SND1: variants seen among roughly 807,000 people sequenced by gnomAD.
SND1 encodes the protein staphylococcal nuclease domain-containing protein 1.
SND1 carries 38 observed loss-of-function variants against 121.7 expected under a neutral mutation model. The ratio of observed to expected loss-of-function variants is 0.31; its 90% CI spans 0.24 to 0.41. SND1 has a LOEUF of 0.41. SND1 is among the 10% of genes least tolerant of loss of function. The pLI, the probability that SND1 is intolerant of heterozygous loss-of-function variation, is 1.00. For synonymous variants in SND1, 401 were observed against 447.4 expected (o/e 0.90, Z 1.31); for missense variants, 868 against 1,184.6 (o/e 0.73, Z 3.92).
At chr7:127,978,006 C>G (rs1469134751) in intron 15 of SND1, among the ~76,000 whole-genome samples, 8 of 152,152 alleles carry the variant, frequency 5.3e-5, no homozygotes, top group African/African-American at 1.9e-4. Flanking sequence ...CTTGGCAGGA[C>G]ATCCAAGGGG....
chr7:128,086,169 A>AC (rs1793684737), intron 20 of SND1, among the ~76,000 whole-genome samples: 1 of 152,126 alleles, frequency 6.6e-6, no homozygotes, highest in African/African-American at 2.4e-5. Context: ...ACATCCCCAA[A>AC]CTCAGGTTTG....
At chr7:127,954,485 A>G (rs1801548295) in intron 15 of SND1, among the ~76,000 whole-genome samples, 1 of 151,978 alleles carries the variant, frequency 6.6e-6, no homozygotes, top group Non-Finnish European at 1.5e-5. Context: ...TGGGGAGATC[A>G]TCTCATCTTT....
intron 15 of SND1, among the ~76,000 whole-genome samples, chr7:127,989,160 C>A (rs2116913858): frequency 6.6e-6 from 1 of 152,336 alleles, no homozygotes; most frequent in East Asian, 1.9e-4. Context: ...CCCTTGCAGG[C>A]CGGCACTGAA....
intron 16 of SND1, among the ~76,000 whole-genome samples, chr7:128,063,153 A>G (rs1197294423): frequency 1.3e-5 from 2 of 152,038 alleles, no homozygotes; most frequent in Non-Finnish European, 2.9e-5. Context: ...AGGCTCTCTC[A>G]TGTCCACTTT....
intron 10 of SND1, among the ~76,000 whole-genome samples, chr7:127,733,759 A>T (rs1244810942): frequency 6.6e-6 from 1 of 152,072 alleles, no homozygotes; most frequent in East Asian, 1.9e-4. Context: ...GCAGAGTCGC[A>T]TTGTGTATTT....
intron 12 of SND1, chr7:127,857,743 A>G: frequency 1.6e-6 from 1 of 619,044 alleles, no homozygotes; most frequent in Non-Finnish European, 2.9e-6. Context: ...GGAAAGGGAA[A>G]TTGACTGAAA....
chr7:127,812,250 T>G (rs1386901902), intron 11 of SND1, among the ~76,000 whole-genome samples: 1 of 152,222 alleles, frequency 6.6e-6, no homozygotes, highest in Non-Finnish European at 1.5e-5. Flanking sequence ...ATCCTTTACA[T>G]GCTGCAAGAA....
At chr7:127,927,123 A>G (rs1800859171) in intron 14 of SND1, among the ~76,000 whole-genome samples, 1 of 152,120 alleles carries the variant, frequency 6.6e-6, no homozygotes, top group Non-Finnish European at 1.5e-5. Flanking sequence ...TAAAGTAGGT[A>G]AGAGTTTAGC....
intron 1 of SND1, among the ~76,000 whole-genome samples, chr7:127,656,495 G>A (rs915578046): frequency 6.6e-6 from 1 of 151,842 alleles, no homozygotes; most frequent in Non-Finnish European, 1.5e-5. Context: ...GCTAACTTTT[G>A]TGCTTTTAGT....
intron 15 of SND1, among the ~76,000 whole-genome samples, chr7:127,940,412 A>T (rs984129512): frequency 1.3e-5 from 2 of 152,182 alleles, no homozygotes; most frequent in Non-Finnish European, 2.9e-5. Flanking sequence ...CCTGTGGGGG[A>T]GTCCATTTGG....
chr7:127,689,943 C>T (rs1023149918), intron 2 of SND1, among the ~76,000 whole-genome samples: 6 of 111,562 alleles, frequency 5.4e-5, no homozygotes, highest in African/African-American at 1.0e-4. Context: ...CCCCCCACCC[C>T]AACGCTGACA....
At chr7:128,023,894 A>T (rs547574328) in intron 16 of SND1, among the ~76,000 whole-genome samples, 17 of 152,236 alleles carry the variant, frequency 1.1e-4, no homozygotes, top group African/African-American at 3.6e-4. Flanking sequence ...TAAAATTTCA[A>T]TTCTCACAAT....
At chr7:127,778,006 A>C (rs1230682359) in intron 10 of SND1, among the ~76,000 whole-genome samples, 1 of 152,154 alleles carries the variant, frequency 6.6e-6, no homozygotes, top group Non-Finnish European at 1.5e-5. Flanking sequence ...CTTTGCTAAA[A>C]TGAGGTGCCC....
chr7:127,941,268 T>C (rs189097440), intron 15 of SND1, among the ~76,000 whole-genome samples: 1 of 150,340 alleles, frequency 6.7e-6, no homozygotes, highest in African/African-American at 2.5e-5. Flanking sequence ...GAGATCTACA[T>C]CTCATTTGGC....
chr7:127,860,546 CTG>C (rs1204092038), intron 12 of SND1, among the ~76,000 whole-genome samples: 2 of 152,192 alleles, frequency 1.3e-5, no homozygotes, highest in African/African-American at 4.8e-5. Context: ...AATTGCTTGT[CTG>C]AGAGAGCAGT....
chr7:128,067,955 G>C (rs1327867055), intron 16 of SND1, among the ~76,000 whole-genome samples: 1 of 151,944 alleles, frequency 6.6e-6, no homozygotes, highest in Admixed American at 6.6e-5. Flanking sequence ...AGTGCCCTCG[G>C]CTCCCTTATT....
Position 127,788,296 on chromosome 7 carries a change from AGAT to A in SND1, c.1153-19185_1153-19183del, listed in dbSNP as rs1348336221. On this transcript the variant is annotated intron_variant, in intron 10 of 23. Coordinates refer to ENST00000354725, the MANE Select transcript of SND1 (RefSeq NM_014390.4). ...CAGTACTAGGTGCTGGAGGCTACAG[AGAT>A]GAATAAGTTTGAGTCCCTGTTGGAG... Among the ~76,000 whole-genome samples the A allele has an allele frequency of 1.9e-4, 29 of 152,352 alleles. 1 individual carries two copies. The highest frequency in any genetic ancestry group is 7.0e-4 in the African/African-American group (29 of 41,580).
intron 11 of SND1, among the ~76,000 whole-genome samples, chr7:127,830,796 C>T (rs868497063): frequency 1.3e-5 from 2 of 152,182 alleles, no homozygotes; most frequent in Middle Eastern, 3.4e-3. Flanking sequence ...ACTGTTCTTC[C>T]CTCCCTCTGT....
intron 16 of SND1, among the ~76,000 whole-genome samples, chr7:128,058,284 A>G (rs1445879164): frequency 6.6e-6 from 1 of 152,288 alleles, no homozygotes; most frequent in African/African-American, 2.4e-5. Context: ...AGATGAGCCA[A>G]CAGTTATTGA....
Sources: allele counts gnomAD v4.1 joint callset (sites outside exome capture counted in the v4.1 genomes callset), GRCh38; gene constraint gnomAD v4.1.1; transcripts MANE v1.5; gene names NCBI Gene and HGNC (gene_info 2026-07-23, HGNC 2026-07-21).